NUBPL: variants seen among roughly 807,000 people sequenced by gnomAD.
The protein encoded by NUBPL is NUBP iron-sulfur cluster assembly factor, mitochondrial, also known as iron-sulfur cluster transfer protein NUBPL.
Under a neutral mutation model 45.7 loss-of-function variants are expected in NUBPL, and 31 were observed. The ratio of observed to expected loss-of-function variants is 0.68; its 90% confidence interval spans 0.51 to 0.92. The LOEUF (loss-of-function observed/expected upper bound fraction) is 0.92. Ranked by LOEUF, NUBPL falls within the 40% of genes least tolerant of loss-of-function variation. The pLI, the probability that NUBPL is intolerant of heterozygous loss-of-function variation, is 0.00. For missense variants in NUBPL, 401 were observed against 398.7 expected, an observed-to-expected ratio of 1.01 and a Z score of -0.05; for synonymous variants, 144 against 140.9, an observed-to-expected ratio of 1.02 and a Z score of -0.15.
intron 6 of NUBPL, among the ~76,000 whole-genome samples, chr14:31,751,227 G>T (rs2038521325): frequency 6.6e-6 from 1 of 152,194 alleles, no homozygotes; most frequent in Non-Finnish European, 1.5e-5. Flanking sequence ...ATTTTGAAAT[G>T]CAGTCATGCA....
chr14:31,607,672 G>C (rs1305650258), intron 4 of NUBPL, among the ~76,000 whole-genome samples: 1 of 151,818 alleles, frequency 6.6e-6, no homozygotes, highest in Non-Finnish European at 1.5e-5. Context: ...CAGACTATTT[G>C]AAAATATATA....
Position 31,720,853 on chromosome 14 carries a change from C to T in NUBPL, c.513+47279C>T, listed in dbSNP as rs528255244. Among the ~76,000 whole-genome samples the T allele has an allele frequency of 9.8e-5, 15 of 152,324 alleles. 1 individual carries two copies. The South Asian group carries it at 2.7e-3, about 27-fold the overall frequency. On this transcript the variant is annotated intron_variant, in intron 6 of 10. Coordinates refer to ENST00000281081, the MANE Select transcript of NUBPL (RefSeq NM_025152.3). ...TATCACTGCAGAAACTTCTATTGGA[C>T]AGCACTGCTATAAAGTCTTTTATCA... is the stretch of plus-strand genomic sequence containing the variant.
intron 4 of NUBPL, among the ~76,000 whole-genome samples, chr14:31,648,469 T>C (rs571026372): frequency 2.6e-5 from 4 of 152,336 alleles, no homozygotes; most frequent in Admixed American, 2.6e-4. Context: ...CCTATGTTTA[T>C]GATGTAAAGT....
At chr14:31,792,803 T>C (rs1464797779) in intron 7 of NUBPL, among the ~76,000 whole-genome samples, 1 of 152,142 alleles carries the variant, frequency 6.6e-6, no homozygotes, top group African/African-American at 2.4e-5. Context: ...AAGCCTTAGT[T>C]CCTGAGGTTT....
At chr14:31,583,220 T>G (rs934123575) in intron 3 of NUBPL, among the ~76,000 whole-genome samples, 1 of 152,210 alleles carries the variant, frequency 6.6e-6, no homozygotes, top group African/African-American at 2.4e-5. Flanking sequence ...AGAGAGGGTA[T>G]TGCTGAGGCT....
intron 4 of NUBPL, among the ~76,000 whole-genome samples, chr14:31,628,515 T>C (rs2035264634): frequency 6.6e-6 from 1 of 152,248 alleles, no homozygotes; most frequent in African/African-American, 2.4e-5. Flanking sequence ...AAAAGTCTAA[T>C]TTACTTGAAA....
At chr14:31,825,729 C>G (rs569348768) in intron 7 of NUBPL, among the ~76,000 whole-genome samples, 1 of 149,590 alleles carries the variant, frequency 6.7e-6, no homozygotes, top group South Asian at 2.1e-4. Context: ...TCTCCTTCAT[C>G]ATCTTCTTCA....
chr14:31,737,626 CA>C (rs972125170), intron 6 of NUBPL, among the ~76,000 whole-genome samples: 1 of 151,646 alleles, frequency 6.6e-6, no homozygotes, highest in African/African-American at 2.4e-5. Context: ...ATTAAAGATG[CA>C]AAAAAAATTA....
chr14:31,745,874 A>G (rs1250156699), intron 6 of NUBPL, among the ~76,000 whole-genome samples: 1 of 151,948 alleles, frequency 6.6e-6, no homozygotes, highest in Non-Finnish European at 1.5e-5. Context: ...CCTCCTAATA[A>G]TGCAGTTTAA....
At chr14:31,664,417 C>T (rs1340758000) in intron 4 of NUBPL, among the ~76,000 whole-genome samples, 5 of 152,108 alleles carry the variant, frequency 3.3e-5, no homozygotes, top group Non-Finnish European at 7.3e-5. Flanking sequence ...CCATCAATAC[C>T]TAGTTTATTG....
intron 6 of NUBPL, among the ~76,000 whole-genome samples, chr14:31,704,479 C>T (rs1455934754): frequency 3.3e-5 from 5 of 151,984 alleles, no homozygotes; most frequent in African/African-American, 9.7e-5. Flanking sequence ...GCCTGAGCAA[C>T]ATGGAGAGAC....
chr14:31,581,202 CTT>C (rs751566032), intron 3 of NUBPL, among the ~76,000 whole-genome samples: 5,127 of 103,276 alleles, frequency 0.05, 192 homozygotes, highest in African/African-American at 0.12. Context: ...AGAGATGGTT[CTT>C]TTTTTTTTTT....
At chr14:31,824,199 T>C (rs2040062266) in intron 7 of NUBPL, among the ~76,000 whole-genome samples, 1 of 152,138 alleles carries the variant, frequency 6.6e-6, no homozygotes, top group African/African-American at 2.4e-5. Flanking sequence ...ACCTAAGTAT[T>C]TTCATGCTAT....
intron 6 of NUBPL, among the ~76,000 whole-genome samples, chr14:31,777,681 G>A (rs1379241698): frequency 6.6e-6 from 1 of 152,216 alleles, no homozygotes; most frequent in East Asian, 1.9e-4. Context: ...GTCCAGCCAG[G>A]AGTCTTTCTG....
chr14:31,748,091 C>T (rs2038440352), intron 6 of NUBPL, among the ~76,000 whole-genome samples: 1 of 152,080 alleles, frequency 6.6e-6, no homozygotes, highest in Non-Finnish European at 1.5e-5. Context: ...TTTAATTTCC[C>T]TGTATTTGTA....
chr14:31,754,356 C>A (rs1342465133), intron 6 of NUBPL, among the ~76,000 whole-genome samples: 1 of 152,054 alleles, frequency 6.6e-6, no homozygotes, highest in Non-Finnish European at 1.5e-5. Flanking sequence ...AATATTTAGA[C>A]CAGAATCTGA....
chr14:31,695,804 T>G (rs933562154), intron 6 of NUBPL, among the ~76,000 whole-genome samples: 3 of 152,184 alleles, frequency 2.0e-5, no homozygotes, highest in African/African-American at 7.2e-5. Flanking sequence ...GGTATTCAGT[T>G]ATAGCAACAG....
rs150869775 is a variant in NUBPL, at chr14:31,627,071, A to G, written c.382+27692A>G. Among the ~76,000 whole-genome samples the G allele has an allele frequency of 9.4e-4, 143 of 152,352 alleles. 4 individuals carry two copies. In the East Asian group the frequency reaches 0.025, roughly 27 times the overall value. On this transcript the variant is annotated intron_variant, in intron 4 of 10. Coordinates refer to ENST00000281081, the MANE Select transcript of NUBPL (RefSeq NM_025152.3). ...CCTTATTAGTAGATAATTCAGAGTTATGAACAAAGTACTTTAAACTCTATC... is the reference window on the plus strand; with the variant it reads ...CCTTATTAGTAGATAATTCAGAGTTGTGAACAAAGTACTTTAAACTCTATC...
intron 6 of NUBPL, among the ~76,000 whole-genome samples, chr14:31,687,823 C>CA (rs943498673): frequency 5.9e-5 from 9 of 151,854 alleles, no homozygotes; most frequent in South Asian, 2.1e-4. Flanking sequence ...CACAACATTA[C>CA]AAAAAAAAGT....
Sources: gnomAD v4.1 joint callset for allele counts (sites outside exome capture counted in the v4.1 genomes callset) on GRCh38, gnomAD v4.1.1 for gene constraint, MANE v1.5 for transcripts, NCBI Gene and HGNC (gene_info 2026-07-23, HGNC 2026-07-21) for gene names.